MYO15B: variants seen among roughly 807,000 people sequenced by gnomAD.
The protein encoded by MYO15B is myosin XVB, also known as myosin XVB pseudogene.
MYO15B carries 207 observed loss-of-function variants against 119.3 expected under a neutral mutation model. The ratio of observed to expected loss-of-function variants is 1.73; its 90% CI spans 1.55 to 1.95. The LOEUF is 1.95. Ranked by LOEUF, MYO15B falls within the 30% of genes most tolerant of loss-of-function variation. MYO15B has a pLI of 0.00. For missense variants in MYO15B, 2,264 were observed against 1,203.1 expected, an observed-to-expected ratio of 1.88 and a Z score of -13.04; for synonymous variants, 966 against 498.9, an observed-to-expected ratio of 1.94 and a Z score of -12.48.
intron 21 of MYO15B, among the ~76,000 whole-genome samples, 154 bp from the exon 22 acceptor site, chr17:75,610,012 C>T (rs2057918879): frequency 6.6e-6 from 1 of 152,188 alleles, no homozygotes; most frequent in African/African-American, 2.4e-5. Flanking sequence ...TTTGAAGTAT[C>T]CTATTCTTTT....
rs1371760083 is a variant in MYO15B at position 75,614,682 on chromosome 17, AG to A, written c.5482+1del. 8.5e-6 allele frequency: 6 copies of A among 702,000 alleles called. No individual in the cohort carries two copies. The highest frequency in any genetic ancestry group is 2.0e-5 in the Admixed American group (1 of 49,958). The allele number at this position is 702,000 out of a possible 1,614,324, so 43.5% of individuals were successfully genotyped here. A position where few individuals can be genotyped will look rare whatever the true frequency, so the allele number is the denominator to read the frequency against. ...CAACGCTGCCCAGCAGGGACCACAC[AG>A]GTAAGGCTGGAGTGGGCACATGGAG... is the stretch of plus-strand genomic sequence containing the variant. On this transcript the variant is annotated frameshift_variant and splice_region_variant, in exon 31 of 64. Coordinates refer to ENST00000645453, the Ensembl canonical transcript of MYO15B. LOFTEE classifies it high-confidence loss of function.
rs140154187 is a variant in MYO15B, at chr17:75,598,711, G to A, written c.3525+1812G>A. On this transcript the variant is annotated intron_variant, in intron 14 of 63. Transcript: ENST00000645453. ...AATGTTCATTTATTAATACTTATAC[G>A]TATGTAAAGTCTTGTACTAGATAAT... 3.7e-3 allele frequency among the ~76,000 whole-genome samples: 558 copies of A among 151,876 alleles called. 7 individuals carry two copies. The highest frequency in any genetic ancestry group is 0.012 in the African/African-American group (508 of 41,384).
exon 14 of MYO15B, chr17:75,596,855 C>T (rs1034347292): frequency 1.4e-6 from 1 of 702,876 alleles, no homozygotes; most frequent in African/African-American, 1.7e-5. Context: ...AGATCAGCCC[C>T]ACAGCCTCCT....
rs2056332178 is a variant in MYO15B at position 75,589,955 on chromosome 17, C to T, written c.1898C>T (p.Pro633Leu). 1 of 398,738 alleles carries T rather than the reference C, an allele frequency of 2.5e-6. No homozygotes were observed. The highest frequency in any genetic ancestry group is 4.4e-6 in the Non-Finnish European group (1 of 226,020). 24.7% of individuals were successfully genotyped at this position (398,738 alleles called of 1,614,324 possible). A position where few individuals can be genotyped will look rare whatever the true frequency, so the allele number is the denominator to read the frequency against. The change falls in exon 1 of 64, where the codon CCC becomes CTC. Residue 633 changes from proline (P) to leucine (L), a missense_variant. Physicochemically the swap from Pro to Leu is moderately conservative, Grantham distance 98 (BLOSUM62 -3). Transcript: ENST00000645453. The surrounding 1 kb of genome is among the most constrained non-coding windows in gnomAD (Gnocchi z 4.2). ...GAGTTGGAGACCCTCAATGACGAGC[C>T]CCCGGTGCGCTGGGCGCAGGGCTCA... is the stretch of plus-strand genomic sequence containing the variant.
At chr17:75,590,241 G>T in exon 1 of MYO15B, 1 of 399,124 alleles carries the variant, frequency 2.5e-6, no homozygotes, top group Non-Finnish European at 4.4e-6. Flanking sequence ...TGGCGCGGTT[G>T]CGGTTAGCGG....
exon 38 of MYO15B, chr17:75,616,371 G>A (rs1049148098): frequency 4.9e-6 from 3 of 618,294 alleles, no homozygotes; most frequent in Non-Finnish European, 8.6e-6. Context: ...CATCCCCCAG[G>A]GGGAAGCGCA....
chr17:75,598,360 C>A (rs1183634517), intron 14 of MYO15B, among the ~76,000 whole-genome samples: 1 of 151,542 alleles, frequency 6.6e-6, no homozygotes, highest in South Asian at 2.1e-4. Context: ...GGACAGATCT[C>A]GAGGTCAGCA....
chr17:75,610,041 C>CTG, intron 21 of MYO15B, 125 bp from the exon 22 acceptor site: 1 of 523,448 alleles, frequency 1.9e-6, no homozygotes, highest in Admixed American at 3.3e-5. Context: ...TTCTGTGAAG[C>CTG]ATCCAGGGCT....
In MYO15B at chr17:75,606,422, C is replaced by T. The variant is rs1030844089; in HGVS notation, c.4292+401C>T. On this transcript the variant is annotated intron_variant, in intron 21 of 63. Coordinates refer to ENST00000645453, the Ensembl canonical transcript of MYO15B. ...CTCTGCCCCCTGGGTTCAAGTGATT[C>T]GCCTGCCTCAGCCTCCCGAGTAGCT... is the stretch of plus-strand genomic sequence containing the variant. Among the ~76,000 whole-genome samples, 7 of 151,744 alleles carry T rather than the reference C, an allele frequency of 4.6e-5. No individual in the cohort carries two copies. The East Asian group carries it at 1.2e-3, about 25-fold the overall frequency.
exon 18 of MYO15B, chr17:75,603,077 G>C (rs2057386576): frequency 7.1e-6 from 5 of 703,208 alleles, no homozygotes; most frequent in African/African-American, 1.7e-5. Context: ...ACCCTGGAAA[G>C]GTGAGCTCCC....
rs567932467 is a variant in MYO15B, at chr17:75,624,069, C to G, written c.8272+5C>G. On this transcript the variant is annotated splice_donor_5th_base_variant and intron_variant, in intron 55 of 63. Transcript: ENST00000645453. ...AGGATTCAGGCCCCAGCCAAGGTGC[C>G]CGTGGGAAGGGGAGATGGAGGAGAG... 5.7e-6 allele frequency: 4 copies of G among 703,040 alleles called. No homozygotes were observed. The South Asian group carries it at 5.9e-5, about 10-fold the overall frequency. The allele number at this position is 703,040 out of a possible 1,614,324, so 43.6% of individuals were successfully genotyped here. A position where few individuals can be genotyped will look rare whatever the true frequency, so the allele number is the denominator to read the frequency against.
chr17:75,613,194 A>G lies in MYO15B; in HGVS notation c.4952A>G (p.Gln1651Arg), dbSNP rs2058136596. 5.7e-6 allele frequency: 4 copies of G among 696,946 alleles called. No individual in the cohort carries two copies. The South Asian group carries it at 5.9e-5, about 10-fold the overall frequency. The allele number at this position is 696,946 out of a possible 1,614,324, so 43.2% of individuals were successfully genotyped here. Residue 1651 changes from glutamine to arginine, a missense_variant, in exon 27 of 64, where the codon CAG becomes CGG. Coordinates refer to ENST00000645453, the Ensembl canonical transcript of MYO15B. ...GCCTTTCCCCCACTGCCTGTCCTAC[A>G]GAAGCCACTGCTCAAGTAAGGGGCC...
At chr17:75,610,761 G>A (rs947879599) in intron 22 of MYO15B, 139 bp from the exon 23 acceptor site, 13 of 639,780 alleles carry the variant, frequency 2.0e-5, no homozygotes, top group Non-Finnish European at 3.7e-5. Flanking sequence ...AGGGGTGGCT[G>A]GCCCCTCCTG....
rs2056499898 is a variant in MYO15B at position 75,592,082 on chromosome 17, T to A, written c.2651+2T>A. Reference sequence around the variant, plus strand: ...GGTCTTCTGCCTCTACCTACAGCAGTGAGTGGCAGGGTTGCAGGGGGCACC... The same window carrying A: ...GGTCTTCTGCCTCTACCTACAGCAGAGAGTGGCAGGGTTGCAGGGGGCACC... On this transcript the variant is annotated splice_donor_variant, in intron 6 of 63. Coordinates refer to ENST00000645453, the Ensembl canonical transcript of MYO15B. LOFTEE classifies it high-confidence loss of function. 3 of 702,702 alleles carry A rather than the reference T, an allele frequency of 4.3e-6. No individual in the cohort carries two copies. The highest frequency in any genetic ancestry group is 1.7e-5 in the African/African-American group (1 of 57,254). The allele number at this position is 702,702 out of a possible 1,614,324, so 43.5% of individuals were successfully genotyped here.
chr17:75,591,753 C>T (rs528875171), intron 5 of MYO15B, 41 bp downstream of exon 5: 15 of 702,670 alleles, frequency 2.1e-5, no homozygotes, highest in East Asian at 1.1e-4. Flanking sequence ...TTGAGCTGGC[C>T]GTCTGTCTTC....
exon 40 of MYO15B, chr17:75,616,909 A>G (rs1183690072): frequency 1.4e-6 from 1 of 702,980 alleles, no homozygotes; most frequent in South Asian, 1.5e-5. Flanking sequence ...ATCGACCCCA[A>G]GGACGAGGCT....
chr17:75,592,102 G>A (rs2056501864), intron 6 of MYO15B, 22 bp downstream of exon 6: 2 of 702,568 alleles, frequency 2.8e-6, no homozygotes, highest in Admixed American at 2.0e-5. Context: ...GGTTGCAGGG[G>A]GCACCTACAA....
chr17:75,619,409 A>G (rs1460264482), exon 45 of MYO15B: 3 of 702,688 alleles, frequency 4.3e-6, no homozygotes, highest in Non-Finnish European at 5.2e-6. Flanking sequence ...GACAGCGTCA[A>G]GAAGCGCATC....
At position 75,596,919 on chromosome 17, in the gene MYO15B, C is replaced by T; in HGVS notation, c.3525+20C>T. 1.5e-6 allele frequency: 1 copy of T among 681,140 alleles called. No individual in the cohort carries two copies. Among genetic ancestry groups the T allele is most frequent in the East Asian group, 2.7e-5 (1 of 37,148 alleles). 42.2% of individuals were successfully genotyped at this position (681,140 alleles called of 1,614,324 possible). A position where few individuals can be genotyped will look rare whatever the true frequency, so the allele number is the denominator to read the frequency against. On this transcript the variant is annotated intron_variant, in intron 14 of 63. Transcript: ENST00000645453. ...TCCCAGGTAAGGGCCAGGATGGTGA[C>T]CCCCCACCCAGTGTCGGGAAGGAGT...
Sources: gnomAD v4.1 joint callset for allele counts (sites outside exome capture counted in the v4.1 genomes callset) on GRCh38, gnomAD v4.1.1 for gene constraint, Gnocchi (gnomAD v3.1) non-coding constraint, MANE v1.5 for transcripts, NCBI Gene and HGNC (gene_info 2026-07-23, HGNC 2026-07-21) for gene names.